The following ATP8A2 variants were observed in gnomAD, a reference collection of about 807,000 sequenced individuals.
The protein encoded by ATP8A2 is ATPase phospholipid transporting 8A2, also known as phospholipid-transporting ATPase IB.
Under a neutral mutation model 165.6 loss-of-function variants are expected in ATP8A2, and 100 were observed. The ratio of observed to expected loss-of-function variants is 0.60; its 90% CI spans 0.51 to 0.71. The LOEUF is 0.71. ATP8A2 is among the 30% of genes least tolerant of loss of function. The pLI is 0.00. For missense variants in ATP8A2, 1,227 were observed against 1,479.5 expected (o/e 0.83, Z 2.80); for synonymous variants, 543 against 548.8 (o/e 0.99, Z 0.15).
intron 1 of ATP8A2, among the ~76,000 whole-genome samples, chr13:25,450,676 C>T (rs551796737): frequency 9.2e-5 from 14 of 152,142 alleles, no homozygotes; most frequent in Middle Eastern, 3.4e-3. Context: ...GGACTACAGG[C>T]GCCCGCCACC....
At chr13:25,555,806 T>C (rs1036528801) in intron 13 of ATP8A2, among the ~76,000 whole-genome samples, 2 of 152,090 alleles carry the variant, frequency 1.3e-5, no homozygotes, top group African/African-American at 4.8e-5. Context: ...CAGTGTCTCT[T>C]GTTCCCATAT....
chr13:25,589,590 C>A, intron 23 of ATP8A2, 45 bp from the exon 24 acceptor site: 1 of 1,482,534 alleles, frequency 6.7e-7, no homozygotes, highest in Non-Finnish European at 9.4e-7. Flanking sequence ...AAGGAGCTCA[C>A]AGAAGGAAAG....
At chr13:25,700,153 C>T (rs2042921554) in intron 25 of ATP8A2, among the ~76,000 whole-genome samples, 1 of 152,116 alleles carries the variant, frequency 6.6e-6, no homozygotes, top group East Asian at 1.9e-4. Flanking sequence ...AGTCAGGAAA[C>T]CTGGTGCAGC....
intron 2 of ATP8A2, among the ~76,000 whole-genome samples, chr13:25,470,273 G>A (rs2035806944): frequency 6.6e-6 from 1 of 152,182 alleles, no homozygotes; most frequent in Non-Finnish European, 1.5e-5. Flanking sequence ...TTTTAAGAAT[G>A]ACAGTTGGGC....
At chr13:25,789,382 C>A (rs1566139899) in intron 27 of ATP8A2, among the ~76,000 whole-genome samples, 1 of 152,124 alleles carries the variant, frequency 6.6e-6, no homozygotes, top group Non-Finnish European at 1.5e-5. Context: ...TGATAAACAA[C>A]CTCAGCAAAG....
Position 26,024,721 on chromosome 13 carries a change from C to T in ATP8A2, c.*4736C>T. Reference sequence around the variant, plus strand: ...TTGCCTTTGAGATATCCACTCTGCTCTTTCTCCCAGGCCTCAGACCAAGAA... The same window carrying T: ...TTGCCTTTGAGATATCCACTCTGCTTTTTCTCCCAGGCCTCAGACCAAGAA... On this transcript the variant is annotated 3_prime_UTR_variant, in exon 37 of 37. Transcript: ENST00000381655. 6.6e-6 allele frequency: 1 copy of T among 152,216 alleles called. No individual in the cohort carries two copies. The highest frequency in any genetic ancestry group is 6.5e-5 in the Admixed American group (1 of 15,282). 9.4% of individuals were successfully genotyped at this position (152,216 alleles called of 1,614,324 possible).
intron 33 of ATP8A2, among the ~76,000 whole-genome samples, chr13:25,899,856 C>T (rs941666374): frequency 5.3e-5 from 8 of 152,180 alleles, no homozygotes; most frequent in African/African-American, 1.7e-4. Flanking sequence ...TGTCTATTTC[C>T]AAAGCTCACC....
chr13:25,450,686 CA>C (rs1273000899), intron 1 of ATP8A2, among the ~76,000 whole-genome samples: 2 of 152,080 alleles, frequency 1.3e-5, no homozygotes, highest in Non-Finnish European at 2.9e-5. Context: ...CGCCCGCCAC[CA>C]TGCCCGGCTA....
chr13:25,415,896 G>T (rs1285824383), intron 1 of ATP8A2, among the ~76,000 whole-genome samples: 1 of 151,968 alleles, frequency 6.6e-6, no homozygotes, highest in African/African-American at 2.4e-5. Context: ...GAGGCCAATT[G>T]TAGCTCCCTG....
chr13:25,505,105 T>G (rs1247693706), intron 2 of ATP8A2, among the ~76,000 whole-genome samples: 2 of 151,990 alleles, frequency 1.3e-5, no homozygotes, highest in African/African-American at 4.8e-5. Flanking sequence ...AATTATTGGA[T>G]TGAATGGGTC....
intron 24 of ATP8A2, among the ~76,000 whole-genome samples, chr13:25,663,545 G>A (rs1474623984): frequency 6.6e-6 from 1 of 151,780 alleles, no homozygotes; most frequent in African/African-American, 2.4e-5. Context: ...TTGGGCCACT[G>A]GCTTTTATCC....
At chr13:25,933,399 C>T (rs1475503194) in intron 33 of ATP8A2, among the ~76,000 whole-genome samples, 1 of 152,220 alleles carries the variant, frequency 6.6e-6, no homozygotes, top group Non-Finnish European at 1.5e-5. Context: ...ATCACCTAAT[C>T]TCTTTATGCC....
intron 28 of ATP8A2, among the ~76,000 whole-genome samples, chr13:25,831,369 C>T (rs1235462794): frequency 2.6e-5 from 4 of 151,898 alleles, no homozygotes; most frequent in African/African-American, 7.3e-5. Context: ...CGCCCGCCAC[C>T]GCGCCCGGCT....
chr13:25,616,238 C>CA (rs1244807561), intron 24 of ATP8A2, among the ~76,000 whole-genome samples: 2 of 152,062 alleles, frequency 1.3e-5, no homozygotes, highest in East Asian at 3.9e-4. Context: ...AACAATCTTC[C>CA]AGTCCTTCTT....
intron 33 of ATP8A2, among the ~76,000 whole-genome samples, chr13:25,910,062 G>A (rs1490562036): frequency 2.6e-5 from 4 of 152,170 alleles, no homozygotes; most frequent in Admixed American, 1.3e-4. Flanking sequence ...GGTAGTGTTC[G>A]CGCCTGTGGC....
intron 24 of ATP8A2, among the ~76,000 whole-genome samples, chr13:25,638,401 G>T (rs546083907): frequency 6.6e-6 from 1 of 152,292 alleles, no homozygotes; most frequent in South Asian, 2.1e-4. Flanking sequence ...CCAGTGTAGA[G>T]AAGTCCTTAA....
Position 25,372,457 on chromosome 13 carries a change from G to A in ATP8A2, c.76+169G>A, listed in dbSNP as rs563002315. Reference sequence around the variant, plus strand: ...GACGCGGCGCGCTGGCCGCACGGGGGCTGGGCGTCGCTGCACCTGCGGGGC... The same window carrying A: ...GACGCGGCGCGCTGGCCGCACGGGGACTGGGCGTCGCTGCACCTGCGGGGC... On this transcript the variant is annotated intron_variant, in intron 1 of 36. Coordinates refer to ENST00000381655, the MANE Select transcript of ATP8A2 (RefSeq NM_016529.6). The surrounding 1 kb of genome is among the most constrained non-coding windows in gnomAD (Gnocchi z 4.8). 3.9e-5 allele frequency among the ~76,000 whole-genome samples: 6 copies of A among 152,238 alleles called. No individual in the cohort carries two copies. The South Asian group carries it at 8.3e-4, about 21-fold the overall frequency.
intron 11 of ATP8A2, among the ~76,000 whole-genome samples, chr13:25,552,210 C>T (rs1214923529): frequency 1.3e-5 from 2 of 152,134 alleles, no homozygotes; most frequent in African/African-American, 4.8e-5. Flanking sequence ...TAGCCTCGAA[C>T]TCCTGACCTC....
chr13:25,588,777 C>T (rs1334999897), intron 23 of ATP8A2, among the ~76,000 whole-genome samples: 2 of 152,160 alleles, frequency 1.3e-5, no homozygotes, highest in Non-Finnish European at 2.9e-5. Context: ...TCGCTAACCC[C>T]CCAAGGCACT....
Sources: allele counts gnomAD v4.1 joint callset (sites outside exome capture counted in the v4.1 genomes callset), GRCh38; gene constraint gnomAD v4.1.1; non-coding constraint Gnocchi (gnomAD v3.1); transcripts MANE v1.5; gene names NCBI Gene and HGNC (gene_info 2026-07-23, HGNC 2026-07-21).